MACF1: variants seen among roughly 807,000 people sequenced by gnomAD.
The protein encoded by MACF1 is microtubule-actin cross-linking factor 1.
MACF1 carries 193 observed loss-of-function variants against 854.8 expected under a neutral mutation model. The observed-to-expected ratio is 0.23, with a 90% confidence interval of 0.20 to 0.25. The LOEUF (loss-of-function observed/expected upper bound fraction) is 0.25. Among genes scored for constraint, MACF1 ranks in the 10% least tolerant of loss-of-function variants. The pLI is 1.00. For synonymous variants in MACF1, 3,185 were observed against 3,226.7 expected (o/e 0.99, Z 0.44); for missense variants, 7,722 against 8,929.1 (o/e 0.86, Z 5.45).
chr1:39,209,248 C>T (rs984837794), intron 1 of MACF1, among the ~76,000 whole-genome samples: 1 of 151,728 alleles, frequency 6.6e-6, no homozygotes, highest in Non-Finnish European at 1.5e-5. Context: ...TAAATATTAA[C>T]TTGAATAAAA....
intron 31 of MACF1, 126 bp from the exon 32 acceptor site, chr1:39,322,482 A>G: frequency 1.4e-6 from 1 of 716,582 alleles, no homozygotes; most frequent in Non-Finnish European, 2.4e-6. Context: ...TTACAGGAAA[A>G]GTTTGCTAAC....
At position 39,379,308 on chromosome 1, in the gene MACF1, G is replaced by A; in HGVS notation, c.13382G>A (p.Arg4461Lys). ...GAAAGCCTTCAGGCTATCCTCAACAGAATGGAGGAGGTTCACAAGGAGGCA... is the reference window on the plus strand; with the variant it reads ...GAAAGCCTTCAGGCTATCCTCAACAAAATGGAGGAGGTTCACAAGGAGGCA... The part of the protein sequence containing the change: ...RQESLQAILN[R>K]MEEVHKEANS... The change falls in exon 54 of 101, where the codon AGA becomes AAA. Residue 4461 changes from arginine to lysine, a missense_variant. Physicochemically the swap from Arg to Lys is conservative, Grantham distance 26. Transcript: ENST00000564288. The A allele has an allele frequency of 6.2e-7, 1 of 1,614,114 alleles. No homozygotes were observed.
intron 20 of MACF1, among the ~76,000 whole-genome samples, chr1:39,297,379 G>A (rs1489381369): frequency 2.6e-5 from 4 of 152,126 alleles, no homozygotes; most frequent in African/African-American, 9.7e-5. Context: ...TTTCTGAGGG[G>A]GTGAAACAGG....
chr1:39,169,134 C>A (rs1167397709), intron 2 of MACF1, among the ~76,000 whole-genome samples: 2 of 152,094 alleles, frequency 1.3e-5, no homozygotes, highest in Non-Finnish European at 2.9e-5. Context: ...TCTTTTTCTC[C>A]CCATTCTCTA....
intron 6 of MACF1, among the ~76,000 whole-genome samples, chr1:39,280,087 C>T (rs1432161942): frequency 6.6e-6 from 1 of 151,770 alleles, no homozygotes; most frequent in Non-Finnish European, 1.5e-5. Flanking sequence ...GAGACAGAGT[C>T]CCGCTCTGTC....
intron 35 of MACF1, among the ~76,000 whole-genome samples, chr1:39,326,688 A>C (rs1485009231): frequency 6.6e-6 from 1 of 151,418 alleles, no homozygotes; most frequent in Non-Finnish European, 1.5e-5. Flanking sequence ...CTCAAAAAAA[A>C]AAAAAAAAAA....
At chr1:39,234,435 C>T (rs1432389805) in intron 2 of MACF1, among the ~76,000 whole-genome samples, 4 of 149,264 alleles carry the variant, frequency 2.7e-5, no homozygotes, top group African/African-American at 7.5e-5. Flanking sequence ...CCCCCACCTC[C>T]CTCCCGGACG....
intron 85 of MACF1, 41 bp from the exon 86 acceptor site, chr1:39,452,115 A>G: frequency 6.6e-7 from 1 of 1,513,432 alleles, no homozygotes; most frequent in Non-Finnish European, 8.9e-7. Context: ...TGGACTCAAA[A>G]CATTCCTTGA....
intron 1 of MACF1, among the ~76,000 whole-genome samples, chr1:39,230,858 A>G (rs1050076177): frequency 6.6e-6 from 1 of 152,182 alleles, no homozygotes; most frequent in Non-Finnish European, 1.5e-5. Context: ...TGGTGGTATC[A>G]CGGCTTTGGC....
intron 2 of MACF1, among the ~76,000 whole-genome samples, chr1:39,234,200 G>T (rs1422552505): frequency 6.6e-6 from 1 of 151,836 alleles, no homozygotes; most frequent in Non-Finnish European, 1.5e-5. Flanking sequence ...TTTCTACACA[G>T]ACACGGCAAC....
rs1468251066 is a variant in MACF1 at position 39,460,148 on chromosome 1, C to A, written c.21361-484C>A. Among the ~76,000 whole-genome samples the A allele has an allele frequency of 6.6e-6, 1 of 152,322 alleles. No homozygotes were observed. Among genetic ancestry groups the A allele is most frequent in the East Asian group, 1.9e-4 (1 of 5,188 alleles). ...TGGATACAACATTGGGTTCCCAATG[C>A]TTCCATCCAGAACTCAGATTTTCTC... On this transcript the variant is annotated intron_variant, in intron 91 of 100. Transcript: ENST00000564288. The surrounding 1 kb of genome is among the most constrained non-coding windows in gnomAD (Gnocchi z 4.1).
chr1:39,291,023 G>A (rs1020983439), intron 15 of MACF1, among the ~76,000 whole-genome samples: 7 of 151,764 alleles, frequency 4.6e-5, no homozygotes, highest in Non-Finnish European at 1.0e-4. Flanking sequence ...CCAGGCTGGA[G>A]TGCAGTGGCG....
chr1:39,382,432 T>C (rs760964556), intron 56 of MACF1, among the ~76,000 whole-genome samples: 8 of 151,910 alleles, frequency 5.3e-5, no homozygotes, highest in Non-Finnish European at 1.2e-4. Flanking sequence ...TGGCTGGGCG[T>C]GGTGGCTCAC....
chr1:39,118,512 G>A (rs1259398058), intron 2 of MACF1, among the ~76,000 whole-genome samples: 10 of 152,212 alleles, frequency 6.6e-5, no homozygotes, highest in Admixed American at 6.5e-4. Flanking sequence ...GAAGAATGAG[G>A]AACTGCCAAA....
At chr1:39,330,099 G>A (rs906734323) in intron 36 of MACF1, among the ~76,000 whole-genome samples, 3 of 152,202 alleles carry the variant, frequency 2.0e-5, no homozygotes, top group African/African-American at 7.2e-5. Flanking sequence ...TCAGTGTTCA[G>A]TAGATCTAGT....
intron 72 of MACF1, among the ~76,000 whole-genome samples, chr1:39,440,664 G>T (rs1439634833): frequency 6.6e-6 from 1 of 151,948 alleles, no homozygotes. Context: ...TTTGTGACTT[G>T]TACTGTGTTA....
At chr1:39,277,875 AT>A (rs1268883904) in intron 6 of MACF1, among the ~76,000 whole-genome samples, 7 of 152,216 alleles carry the variant, frequency 4.6e-5, no homozygotes, top group African/African-American at 1.7e-4. Flanking sequence ...TGCTCAAAAA[AT>A]ATTAACAGTA....
chr1:39,351,581 CTTTTTTTTTT>C (rs36123797), intron 43 of MACF1, among the ~76,000 whole-genome samples: 7 of 85,904 alleles, frequency 8.1e-5, no homozygotes, highest in Admixed American at 2.8e-4. Flanking sequence ...AAGCAAATGG[CTTTTTTTTTT>C]TTTTTTTTTT....
At chr1:39,464,728 A>C (rs922575285) in intron 94 of MACF1, 6 of 217,478 alleles carry the variant, frequency 2.8e-5, no homozygotes, top group Non-Finnish European at 5.6e-5. Flanking sequence ...AACCTGGCCA[A>C]CATGGTGAAA....
Sources: gnomAD v4.1 joint callset for allele counts (sites outside exome capture counted in the v4.1 genomes callset) on GRCh38, gnomAD v4.1.1 for gene constraint, Gnocchi (gnomAD v3.1) non-coding constraint, MANE v1.5 for transcripts, NCBI Gene and HGNC (gene_info 2026-07-23, HGNC 2026-07-21) for gene names.